Variants in TMEM132D observed in about 807,000 individuals in gnomAD.
The protein encoded by TMEM132D is mature OL transmembrane protein.
In TMEM132D, 21 loss-of-function variants were observed where a neutral mutation model predicts 62.3. The ratio of observed to expected loss-of-function variants is 0.34; its 90% confidence interval spans 0.24 to 0.49. The LOEUF (loss-of-function observed/expected upper bound fraction) is 0.49, where lower values mean the gene tolerates loss of function less well. Among genes scored for constraint, TMEM132D ranks in the 20% least tolerant of loss-of-function variants. The pLI is 0.99. For missense variants in TMEM132D, 1,346 were observed against 1,402.8 expected, an observed-to-expected ratio of 0.96 and a Z score of 0.65; for synonymous variants, 621 against 575.6, an observed-to-expected ratio of 1.08 and a Z score of -1.13.
chr12:129,227,594 A>T (rs866523592), intron 4 of TMEM132D, among the ~76,000 whole-genome samples: 2 of 148,686 alleles, frequency 1.3e-5, no homozygotes, highest in South Asian at 2.1e-4. Flanking sequence ...TTTATTTTTT[A>T]ATATATATAT....
At chr12:129,406,719 C>T (rs990172831) in intron 3 of TMEM132D, among the ~76,000 whole-genome samples, 2 of 152,112 alleles carry the variant, frequency 1.3e-5, no homozygotes, top group Non-Finnish European at 2.9e-5. Context: ...AGAAAATGGG[C>T]TACTTCGTAT....
At position 129,696,052 on chromosome 12, in the gene TMEM132D, G is replaced by T. The variant is rs138376965; in HGVS notation, c.968+3758C>A. Among the ~76,000 whole-genome samples the T allele has an allele frequency of 5.9e-5, 9 of 152,276 alleles. No homozygotes were observed. The East Asian group carries it at 1.3e-3, about 23-fold the overall frequency. ...ATTCTGGGCCAACACAGGTTCAAAGGTTACATCATTCAAGTGAATTAAGCT... is the reference window on the plus strand; with the variant it reads ...ATTCTGGGCCAACACAGGTTCAAAGTTTACATCATTCAAGTGAATTAAGCT... On this transcript the variant is annotated intron_variant, in intron 2 of 8. Coordinates refer to ENST00000422113, the MANE Select transcript of TMEM132D (RefSeq NM_133448.3).
chr12:129,182,418 C>A (rs1447511627), intron 5 of TMEM132D, among the ~76,000 whole-genome samples: 1 of 152,222 alleles, frequency 6.6e-6, no homozygotes, highest in Non-Finnish European at 1.5e-5. Context: ...CTTCACCCTG[C>A]AACCAGAACA....
chr12:129,766,479 T>G (rs1870558199), intron 1 of TMEM132D, among the ~76,000 whole-genome samples: 1 of 152,132 alleles, frequency 6.6e-6, no homozygotes, highest in South Asian at 2.1e-4. Flanking sequence ...CACCCCAAAA[T>G]ATGCCTCTCT....
chr12:129,692,982 C>A (rs770271593), intron 2 of TMEM132D, among the ~76,000 whole-genome samples: 5 of 152,036 alleles, frequency 3.3e-5, no homozygotes, highest in African/African-American at 9.7e-5. Flanking sequence ...GCACACGTAC[C>A]CTGGAACTTA....
chr12:129,172,128 TTGC>T (rs1877753140), intron 5 of TMEM132D, among the ~76,000 whole-genome samples: 1 of 152,220 alleles, frequency 6.6e-6, no homozygotes, highest in Non-Finnish European at 1.5e-5. Flanking sequence ...CCATCAGTAC[TTGC>T]TGCTTCACCT....
At chr12:129,731,982 G>A (rs530994421) in intron 1 of TMEM132D, among the ~76,000 whole-genome samples, 44 of 152,150 alleles carry the variant, frequency 2.9e-4, no homozygotes, top group Non-Finnish European at 2.2e-4. Flanking sequence ...TTTAGTATAG[G>A]AATTCATGAT....
chr12:129,166,688 T>TACCC lies in TMEM132D; in HGVS notation c.1443+42831_1443+42832insGGGT, dbSNP rs1263746797. Among the ~76,000 whole-genome samples, 101 of 104,756 alleles carry TACCC rather than the reference T, an allele frequency of 9.6e-4. 2 individuals are homozygous for TACCC. Among genetic ancestry groups the TACCC allele is most frequent in the East Asian group, 3.0e-3 (8 of 2,646 alleles). The allele number at this position is 104,756 out of a possible 152,430, so 68.7% of individuals were successfully genotyped here. A position where few individuals can be genotyped will look rare whatever the true frequency, so the allele number is the denominator to read the frequency against. On this transcript the variant is annotated intron_variant, in intron 5 of 8. Transcript: ENST00000422113. The stretch of plus-strand genomic sequence containing the variant: ...CTACGCAAGGACATATATATACACA[T>TACCC]ACACACACACACACACACACACACA...
chr12:129,771,646 T>A (rs1870753511), intron 1 of TMEM132D, among the ~76,000 whole-genome samples: 1 of 152,150 alleles, frequency 6.6e-6, no homozygotes, highest in South Asian at 2.1e-4. Context: ...GCAAGAAGAG[T>A]ATCAAAATGG....
chr12:129,267,135 T>C (rs1593316873), intron 4 of TMEM132D, among the ~76,000 whole-genome samples: 1 of 152,320 alleles, frequency 6.6e-6, no homozygotes, highest in East Asian at 1.9e-4. Flanking sequence ...CCTTCTTTTA[T>C]TCTTTGAACA....
chr12:129,644,290 C>T (rs1016991867), intron 2 of TMEM132D, among the ~76,000 whole-genome samples: 8 of 152,198 alleles, frequency 5.3e-5, no homozygotes, highest in Non-Finnish European at 7.3e-5. Flanking sequence ...AAATTAACTA[C>T]GACATGTCTC....
chr12:129,213,542 G>C (rs1266539047), intron 4 of TMEM132D, among the ~76,000 whole-genome samples: 3 of 152,068 alleles, frequency 2.0e-5, no homozygotes, highest in Non-Finnish European at 4.4e-5. Flanking sequence ...ACCTAGAGAG[G>C]CTGGGTAATT....
chr12:129,670,023 C>T (rs769553429), intron 2 of TMEM132D, among the ~76,000 whole-genome samples: 1 of 152,172 alleles, frequency 6.6e-6, no homozygotes, highest in Non-Finnish European at 1.5e-5. Context: ...GAGCGATCGG[C>T]TGCCTTTTCC....
At chr12:129,388,513 C>T (rs376379891) in intron 3 of TMEM132D, among the ~76,000 whole-genome samples, 1 of 94,978 alleles carries the variant, frequency 1.1e-5, no homozygotes, top group African/African-American at 3.6e-5. Context: ...AACACCAATA[C>T]TAACACCAAC....
At chr12:129,327,104 T>C (rs995439121) in intron 4 of TMEM132D, among the ~76,000 whole-genome samples, 1 of 152,140 alleles carries the variant, frequency 6.6e-6, no homozygotes, top group African/African-American at 2.4e-5. Context: ...GTGCTTCTGA[T>C]GGAGCGCACG....
chr12:129,118,707 T>A (rs531389337), intron 5 of TMEM132D, among the ~76,000 whole-genome samples: 3 of 152,326 alleles, frequency 2.0e-5, no homozygotes, highest in African/African-American at 7.2e-5. Flanking sequence ...TTAATGGCCA[T>A]GAAATGAATT....
chr12:129,467,624 A>C (rs1873953505), intron 3 of TMEM132D, among the ~76,000 whole-genome samples: 2 of 152,232 alleles, frequency 1.3e-5, no homozygotes, highest in Non-Finnish European at 2.9e-5. Context: ...ATTTGGGATG[A>C]TGACAGAGCA....
At chr12:129,781,766 G>A (rs1037399888) in intron 1 of TMEM132D, among the ~76,000 whole-genome samples, 4 of 152,300 alleles carry the variant, frequency 2.6e-5, no homozygotes, top group Admixed American at 6.5e-5. Flanking sequence ...ATTGCAGCGT[G>A]GCTTCACTGA....
intron 3 of TMEM132D, among the ~76,000 whole-genome samples, chr12:129,471,133 A>G (rs1410464619): frequency 6.6e-6 from 1 of 151,990 alleles, no homozygotes; most frequent in Non-Finnish European, 1.5e-5. Context: ...CCACTTAATT[A>G]GGAATCCTAA....
Sources: gnomAD v4.1 joint callset for allele counts (sites outside exome capture counted in the v4.1 genomes callset) on GRCh38, gnomAD v4.1.1 for gene constraint, MANE v1.5 for transcripts, NCBI Gene and HGNC (gene_info 2026-07-23, HGNC 2026-07-21) for gene names.